WDPCP: variants seen among roughly 807,000 people sequenced by gnomAD.
The protein encoded by WDPCP is WD repeat containing planar cell polarity effector.
Under a neutral mutation model 93.1 loss-of-function variants are expected in WDPCP, and 71 were observed. The observed-to-expected ratio is 0.76, with a 90% confidence interval of 0.63 to 0.93. WDPCP has a LOEUF of 0.93. WDPCP is among the 40% of genes least tolerant of loss of function. The pLI is 0.00. For missense variants in WDPCP, 844 were observed against 887.4 expected, an observed-to-expected ratio of 0.95 and a Z score of 0.62; for synonymous variants, 315 against 315.0, an observed-to-expected ratio of 1.00 and a Z score of 0.00.
chr2:63,532,504 G>A (rs780508130), intron 1 of WDPCP, among the ~76,000 whole-genome samples: 25 of 152,184 alleles, frequency 1.6e-4, no homozygotes, highest in African/African-American at 4.3e-4. Flanking sequence ...GATTAACAGC[G>A]GATCTCTCAG....
intron 2 of WDPCP, among the ~76,000 whole-genome samples, chr2:63,800,857 C>A (rs556207568): frequency 1.4e-4 from 21 of 151,970 alleles, no homozygotes; most frequent in African/African-American, 5.1e-4. Flanking sequence ...AGTTCAAGGC[C>A]AGCCTGGGCA....
chr2:63,350,823 A>T (rs1264659005), intron 12 of WDPCP, among the ~76,000 whole-genome samples: 1 of 152,090 alleles, frequency 6.6e-6, no homozygotes, highest in Non-Finnish European at 1.5e-5. Context: ...TGCTTTGTTT[A>T]CCTACTAAAT....
chr2:63,601,180 T>C (rs552027693), intron 3 of WDPCP, among the ~76,000 whole-genome samples: 5 of 152,228 alleles, frequency 3.3e-5, no homozygotes, highest in Non-Finnish European at 7.3e-5. Context: ...CAATCTGGCA[T>C]AGTGAGAGCT....
intron 14 of WDPCP, among the ~76,000 whole-genome samples, chr2:63,187,214 T>C (rs1269349975): frequency 1.3e-5 from 2 of 152,128 alleles, no homozygotes; most frequent in African/African-American, 4.8e-5. Flanking sequence ...CTGCATAGCA[T>C]ATCTTTTTTC....
At chr2:63,448,606 C>T (rs1391994130) in intron 6 of WDPCP, among the ~76,000 whole-genome samples, 1 of 151,994 alleles carries the variant, frequency 6.6e-6, no homozygotes, top group East Asian at 1.9e-4. Context: ...AAATATGAAA[C>T]CCCAAAATCT....
At chr2:63,677,387 C>T (rs1468461833) in intron 2 of WDPCP, among the ~76,000 whole-genome samples, 2 of 152,000 alleles carry the variant, frequency 1.3e-5, no homozygotes, top group Non-Finnish European at 2.9e-5. Context: ...CACAGAAGAT[C>T]CAGATACTGA....
chr2:63,333,537 T>C (rs533202991), intron 12 of WDPCP, among the ~76,000 whole-genome samples: 1 of 152,328 alleles, frequency 6.6e-6, no homozygotes, highest in South Asian at 2.1e-4. Flanking sequence ...ACAATAAAAC[T>C]TGGTCACCAC....
At position 63,443,510 on chromosome 2, in the gene WDPCP, C is replaced by T. The variant is rs951092309; in HGVS notation, c.385-3639G>A. On this transcript the variant is annotated intron_variant, in intron 6 of 17. Coordinates refer to ENST00000272321, the MANE Select transcript of WDPCP (RefSeq NM_015910.7). Reference sequence around the variant, plus strand: ...CCTAGGCTGATTGAAGAAAGCTAGGCCAGTGTGGCTGGAGGGGAGTAAGTG... The same window carrying T: ...CCTAGGCTGATTGAAGAAAGCTAGGTCAGTGTGGCTGGAGGGGAGTAAGTG... 4.6e-5 allele frequency among the ~76,000 whole-genome samples: 7 copies of T among 152,180 alleles called. No homozygotes were observed. In the East Asian group the frequency reaches 1.4e-3, roughly 29 times the overall value.
At chr2:63,359,497 A>G (rs549285965) in intron 12 of WDPCP, among the ~76,000 whole-genome samples, 1 of 152,310 alleles carries the variant, frequency 6.6e-6, no homozygotes, top group African/African-American at 2.4e-5. Flanking sequence ...TAATAGCTAA[A>G]ATAAAAAATG....
intron 6 of WDPCP, among the ~76,000 whole-genome samples, chr2:63,458,887 G>C (rs1355124127): frequency 1.3e-5 from 2 of 152,098 alleles, no homozygotes; most frequent in Admixed American, 6.6e-5. Flanking sequence ...CAGACACATA[G>C]ATCAATGGAA....
intron 2 of WDPCP, among the ~76,000 whole-genome samples, chr2:63,775,387 T>C (rs563380264): frequency 6.6e-6 from 1 of 152,220 alleles, no homozygotes; most frequent in Non-Finnish European, 1.5e-5. Context: ...CCTTTGAAAC[T>C]TACTGTTGCT....
At chr2:63,423,159 T>C (rs1156273941) in intron 9 of WDPCP, among the ~76,000 whole-genome samples, 1 of 152,238 alleles carries the variant, frequency 6.6e-6, no homozygotes, top group Non-Finnish European at 1.5e-5. Flanking sequence ...TCCTTTGTAA[T>C]AGCTCATTAA....
chr2:63,306,318 G>A (rs1339300996), intron 13 of WDPCP, among the ~76,000 whole-genome samples: 1 of 151,998 alleles, frequency 6.6e-6, no homozygotes, highest in Admixed American at 6.6e-5. Context: ...GGTACAAAGA[G>A]GAGCTGGTAC....
upstream of WDPCP, among the ~76,000 whole-genome samples, chr2:63,832,801 A>G (rs544520686): frequency 4.1e-4 from 63 of 152,368 alleles, no homozygotes; most frequent in African/African-American, 1.3e-3. Context: ...CCTTGCTCTT[A>G]AAGAGCTTAT....
chr2:63,508,686 C>A (rs1411262367), intron 1 of WDPCP, among the ~76,000 whole-genome samples: 1 of 152,064 alleles, frequency 6.6e-6, no homozygotes, highest in African/African-American at 2.4e-5. Context: ...GTTCAGGAGA[C>A]CCATCTCACA....
chr2:63,269,068 T>C (rs532689019), intron 13 of WDPCP, among the ~76,000 whole-genome samples: 27 of 152,266 alleles, frequency 1.8e-4, no homozygotes, highest in Admixed American at 1.6e-3. Flanking sequence ...AGTCACTTTA[T>C]AAAATTAAAA....
chr2:63,291,659 A>C (rs566517085), intron 13 of WDPCP, among the ~76,000 whole-genome samples: 24 of 152,224 alleles, frequency 1.6e-4, no homozygotes, highest in African/African-American at 5.5e-4. Context: ...AAATACAAAA[A>C]TTAGCTGGGC....
chr2:63,429,590 C>G (rs955675986), intron 9 of WDPCP, among the ~76,000 whole-genome samples: 1 of 152,134 alleles, frequency 6.6e-6, no homozygotes, highest in African/African-American at 2.4e-5. Flanking sequence ...AAAGAATGCT[C>G]ATAATCACTA....
At chr2:63,163,881 A>G (rs1326754366) in intron 15 of WDPCP, among the ~76,000 whole-genome samples, 1 of 152,218 alleles carries the variant, frequency 6.6e-6, no homozygotes, top group African/African-American at 2.4e-5. Flanking sequence ...GTTTGTTCCA[A>G]CTTAAAGGAA....
Sources: gnomAD v4.1 joint callset for allele counts (sites outside exome capture counted in the v4.1 genomes callset) on GRCh38, gnomAD v4.1.1 for gene constraint, MANE v1.5 for transcripts, NCBI Gene and HGNC (gene_info 2026-07-23, HGNC 2026-07-21) for gene names.